Variants in SGIP1 observed in about 807,000 individuals in gnomAD.
SGIP1 encodes the protein SH3GL interacting endocytic adaptor 1, also known as SH3-containing GRB2-like protein 3-interacting protein 1.
Under a neutral mutation model 107.5 loss-of-function variants are expected in SGIP1, and 38 were observed. That is an observed-to-expected ratio of 0.35 (90% CI 0.27 to 0.46). The LOEUF is 0.46. SGIP1 is among the 20% of genes least tolerant of loss of function. The pLI is 1.00. For synonymous variants in SGIP1, 365 were observed against 366.1 expected, an observed-to-expected ratio of 1.00 and a Z score of 0.03; for missense variants, 929 against 1,019.5, an observed-to-expected ratio of 0.91 and a Z score of 1.21.
At chr1:66,712,124 T>G (rs1433458506) in intron 18 of SGIP1, among the ~76,000 whole-genome samples, 2 of 152,170 alleles carry the variant, frequency 1.3e-5, no homozygotes, top group African/African-American at 4.8e-5. Context: ...TAGCACTTAC[T>G]TGGTGAGATG....
chr1:66,702,605 G>C (rs1010735517), intron 18 of SGIP1, among the ~76,000 whole-genome samples: 1 of 152,176 alleles, frequency 6.6e-6, no homozygotes, highest in African/African-American at 2.4e-5. Context: ...CATCCAAGAT[G>C]CATTTGTTTC....
At chr1:66,595,900 G>A (rs111832076) in intron 1 of SGIP1, among the ~76,000 whole-genome samples, 4 of 152,182 alleles carry the variant, frequency 2.6e-5, no homozygotes, top group African/African-American at 9.7e-5. Context: ...GAGATTAGTG[G>A]CTTCCAGTGG....
At position 66,673,370 on chromosome 1, in the gene SGIP1, G is replaced by C. The variant is rs755260879; in HGVS notation, c.646+4G>C. On this transcript the variant is annotated splice_donor_region_variant and intron_variant, in intron 12 of 24. Coordinates refer to ENST00000371037, the MANE Select transcript of SGIP1 (RefSeq NM_032291.4). ...TTTGATGAACAGAAGACAGAAGGTA[G>C]GAAAAGAAACTCCATATATTATAGA... 4 of 1,592,576 alleles carry C rather than the reference G, an allele frequency of 2.5e-6. No homozygotes were observed. The highest frequency in any genetic ancestry group is 2.7e-5 in the African/African-American group (2 of 73,234).
chr1:66,534,375 T>C lies in SGIP1; in HGVS notation c.10+7T>C. On this transcript the variant is annotated splice_region_variant and intron_variant, in intron 1 of 24. Transcript: ENST00000371037. Reference sequence around the variant, plus strand: ...TCTGCCACCATGATGGAAGGTAGGATGCTTTCTGCTATGGTTGACTGGCTT... The same window carrying C: ...TCTGCCACCATGATGGAAGGTAGGACGCTTTCTGCTATGGTTGACTGGCTT... 1 of 1,614,136 alleles carries C rather than the reference T, an allele frequency of 6.2e-7. No homozygotes were observed. The highest frequency in any genetic ancestry group is 1.1e-5 in the South Asian group (1 of 91,088).
chr1:66,677,474 C>T (rs2085654085), intron 13 of SGIP1, among the ~76,000 whole-genome samples: 1 of 152,184 alleles, frequency 6.6e-6, no homozygotes, highest in South Asian at 2.1e-4. Context: ...GGTCTCTGCT[C>T]ATCCTATAGA....
intron 2 of SGIP1, among the ~76,000 whole-genome samples, chr1:66,630,830 A>G (rs1236702357): frequency 1.2e-4 from 1 of 8,340 alleles, no homozygotes; most frequent in Non-Finnish European, 1.9e-4. Context: ...AAAGAAAGAA[A>G]GAAAGAAAGA....
chr1:66,676,333 A>G (rs1483768374), intron 12 of SGIP1, among the ~76,000 whole-genome samples: 7 of 152,144 alleles, frequency 4.6e-5, no homozygotes, highest in Admixed American at 4.6e-4. Flanking sequence ...AGCACTAACT[A>G]TTTGCATTAT....
At chr1:66,678,446 T>C (rs1261907394) in intron 13 of SGIP1, among the ~76,000 whole-genome samples, 1 of 152,234 alleles carries the variant, frequency 6.6e-6, no homozygotes, top group African/African-American at 2.4e-5. Flanking sequence ...TTTTCTATTT[T>C]AGCTTATTAG....
chr1:66,679,383 C>T (rs573926083), intron 13 of SGIP1, among the ~76,000 whole-genome samples: 8 of 152,194 alleles, frequency 5.3e-5, no homozygotes, highest in African/African-American at 1.7e-4. Flanking sequence ...GGAGGTAGGA[C>T]GTAGTTGCTG....
chr1:66,690,426 G>GT, intron 17 of SGIP1, 110 bp downstream of exon 17: 1 of 1,463,582 alleles, frequency 6.8e-7, no homozygotes, highest in South Asian at 1.3e-5. Context: ...TTTGCTGTGT[G>GT]TTTTGCTACT....
intron 3 of SGIP1, chr1:66,634,220 C>G: frequency 3.0e-6 from 4 of 1,317,824 alleles, no homozygotes; most frequent in Non-Finnish European, 4.3e-6. Context: ...TCCCTGGGTT[C>G]TCTGGTCCCC....
At chr1:66,581,427 T>C (rs975295947) in intron 1 of SGIP1, among the ~76,000 whole-genome samples, 2 of 152,018 alleles carry the variant, frequency 1.3e-5, no homozygotes. Flanking sequence ...GCCTTATAAA[T>C]AGTAGGAGCT....
At chr1:66,620,073 C>T (rs2070562375) in intron 1 of SGIP1, among the ~76,000 whole-genome samples, 1 of 152,076 alleles carries the variant, frequency 6.6e-6, no homozygotes, top group South Asian at 2.1e-4. Context: ...TTGATGTTTA[C>T]TTAATGGATC....
chr1:66,731,919 G>A (rs900924026), intron 20 of SGIP1, among the ~76,000 whole-genome samples: 3 of 152,004 alleles, frequency 2.0e-5, no homozygotes, highest in Admixed American at 1.3e-4. Flanking sequence ...AAAAATATGC[G>A]GGAACAATTG....
chr1:66,599,306 C>A (rs2065300602), intron 1 of SGIP1, among the ~76,000 whole-genome samples: 1 of 152,168 alleles, frequency 6.6e-6, no homozygotes, highest in Non-Finnish European at 1.5e-5. Context: ...ATTTACTCCT[C>A]ATAAAATCCC....
At chr1:66,555,424 A>C (rs1039704212) in intron 1 of SGIP1, among the ~76,000 whole-genome samples, 2 of 152,070 alleles carry the variant, frequency 1.3e-5, no homozygotes, top group African/African-American at 4.8e-5. Flanking sequence ...AATTCTTCCA[A>C]ATCTTTCATG....
chr1:66,704,025 T>C (rs969354501), intron 18 of SGIP1, among the ~76,000 whole-genome samples: 1 of 151,950 alleles, frequency 6.6e-6, no homozygotes, highest in African/African-American at 2.4e-5. Flanking sequence ...GGAATAATAA[T>C]GGCAGCTCTT....
intron 1 of SGIP1, among the ~76,000 whole-genome samples, chr1:66,587,376 C>T (rs890920781): frequency 1.1e-4 from 17 of 150,022 alleles, no homozygotes; most frequent in Non-Finnish European, 1.8e-4. Flanking sequence ...TTTTTTTTCT[C>T]AGTCTATTTT....
chr1:66,581,650 C>T (rs1287597239), intron 1 of SGIP1, among the ~76,000 whole-genome samples: 4 of 151,942 alleles, frequency 2.6e-5, no homozygotes, highest in South Asian at 4.2e-4. Flanking sequence ...CTTTGCCTGT[C>T]GCATCCTCAG....
Sources: allele counts gnomAD v4.1 joint callset (sites outside exome capture counted in the v4.1 genomes callset), GRCh38; gene constraint gnomAD v4.1.1; transcripts MANE v1.5; gene names NCBI Gene and HGNC (gene_info 2026-07-23, HGNC 2026-07-21).